AFTPH: variants seen among roughly 807,000 people sequenced by gnomAD.
AFTPH encodes the protein aftiphilin, also known as aftiphilin protein.
AFTPH carries 7 observed loss-of-function variants against 72.5 expected under a neutral mutation model. The observed-to-expected ratio is 0.10, with a 90% CI of 0.05 to 0.18. AFTPH has a LOEUF of 0.18. Among genes scored for constraint, AFTPH ranks in the 10% least tolerant of loss-of-function variants. AFTPH has a pLI of 1.00. For synonymous variants in AFTPH, 337 were observed against 370.1 expected, an observed-to-expected ratio of 0.91 and a Z score of 1.03; for missense variants, 979 against 1,060.5, an observed-to-expected ratio of 0.92 and a Z score of 1.07.
intron 7 of AFTPH, 50 bp from the exon 9 acceptor site, chr2:64,585,372 G>T: frequency 6.2e-7 from 1 of 1,608,668 alleles, no homozygotes. Flanking sequence ...GTGGCTAACT[G>T]GGTAACCCAT....
At chr2:64,544,342 G>C (rs906535388) in intron 1 of AFTPH, among the ~76,000 whole-genome samples, 2 of 152,072 alleles carry the variant, frequency 1.3e-5, no homozygotes, top group Admixed American at 6.6e-5. Context: ...CAAGACAATA[G>C]CGGCATTATT....
At chr2:64,579,411 T>A in intron 6 of AFTPH, 75 bp from the exon 7 acceptor site, 1 of 866,242 alleles carries the variant, frequency 1.2e-6, no homozygotes. Flanking sequence ...CTTGCTATAA[T>A]TTTTTTTTTT....
At chr2:64,592,290 G>A (rs1008805753) in exon 9 of AFTPH, 4 of 285,534 alleles carry the variant, frequency 1.4e-5, no homozygotes, top group Non-Finnish European at 2.6e-5. Context: ...TGTTGCTGGG[G>A]TGTATACATT....
chr2:64,536,394 G>A (rs1197239418), intron 1 of AFTPH, among the ~76,000 whole-genome samples: 2 of 150,940 alleles, frequency 1.3e-5, no homozygotes, highest in East Asian at 2.0e-4. Flanking sequence ...TGGTGAAACC[G>A]CATCTCTAAT....
intron 6 of AFTPH, among the ~76,000 whole-genome samples, chr2:64,576,035 G>A (rs949975805): frequency 2.7e-5 from 4 of 147,774 alleles, no homozygotes; most frequent in African/African-American, 7.5e-5. Flanking sequence ...CATCGCACCC[G>A]GCCTAGAAAA....
intron 1 of AFTPH, 117 bp downstream of exon 1, chr2:64,524,729 G>T (rs1337114128): frequency 5.4e-6 from 2 of 373,828 alleles, no homozygotes; most frequent in African/African-American, 2.1e-5. Flanking sequence ...CCGCGGAGCC[G>T]GGAGCTGTGA....
At chr2:64,564,031 GAGTAACTATAGC>G (rs1320506725) in intron 2 of AFTPH, among the ~76,000 whole-genome samples, 20 of 152,126 alleles carry the variant, frequency 1.3e-4, no homozygotes, top group Non-Finnish European at 2.5e-4. Flanking sequence ...ACTCTACAAG[GAGTAACTATAGC>G]AGGTTTCATT....
intron 5 of AFTPH, among the ~76,000 whole-genome samples, chr2:64,571,375 C>A (rs1293646066): frequency 9.2e-5 from 14 of 151,842 alleles, no homozygotes; most frequent in Admixed American, 8.5e-4. Context: ...AATTTGAGAA[C>A]CACTGCTTAA....
At chr2:64,543,709 T>G (rs952722053) in intron 1 of AFTPH, among the ~76,000 whole-genome samples, 6 of 152,344 alleles carry the variant, frequency 3.9e-5, no homozygotes, top group South Asian at 2.1e-4. Context: ...TCAGGTAGTT[T>G]AAGTCCTCCA....
intron 1 of AFTPH, among the ~76,000 whole-genome samples, chr2:64,525,070 C>T (rs1669172497): frequency 6.6e-6 from 1 of 152,226 alleles, no homozygotes; most frequent in Non-Finnish European, 1.5e-5. Context: ...TGGCCGCGAC[C>T]TGAGTGTGCT....
intron 6 of AFTPH, chr2:64,578,989 C>T (rs939198361): frequency 6.6e-6 from 1 of 152,566 alleles, no homozygotes; most frequent in African/African-American, 2.4e-5. Context: ...ATTCTGGTAT[C>T]TAATAAGTAA....
exon 2 of AFTPH, chr2:64,551,961 C>A: frequency 6.2e-7 from 1 of 1,613,512 alleles, no homozygotes; most frequent in South Asian, 1.1e-5. Flanking sequence ...GAATGTTGTT[C>A]ATCAAAACAA....
chr2:64,561,669 A>C (rs1034945119), intron 2 of AFTPH, among the ~76,000 whole-genome samples: 2 of 152,154 alleles, frequency 1.3e-5, no homozygotes, highest in African/African-American at 4.8e-5. Context: ...AGCGAGTGAG[A>C]CCATCTCTTA....
At chr2:64,552,477 T>G (rs773692239) in exon 2 of AFTPH, 10 of 1,613,920 alleles carry the variant, frequency 6.2e-6, no homozygotes, top group South Asian at 2.2e-5. Flanking sequence ...GTCAAAGGCT[T>G]GGAGTTTGGT....
At chr2:64,575,390 C>T (rs1392174192) in intron 6 of AFTPH, among the ~76,000 whole-genome samples, 1 of 152,066 alleles carries the variant, frequency 6.6e-6, no homozygotes, top group East Asian at 1.9e-4. Flanking sequence ...CTTTGGGATG[C>T]CAAGGCAGGT....
Position 64,534,515 on chromosome 2 carries a change from C to G in AFTPH, c.-33+9903C>G, listed in dbSNP as rs556522719. On this transcript the variant is annotated intron_variant, in intron 1 of 8. Transcript: ENST00000238856. ...CCACTTCCTCTTCTTTTCCATATTT[C>G]AGATTCTGTGCCAGCGGATGATAGT... Among the ~76,000 whole-genome samples, 337 of 152,232 alleles carry G rather than the reference C, an allele frequency of 2.2e-3. 2 individuals carry two copies. The highest frequency in any genetic ancestry group is 3.8e-3 in the Non-Finnish European group (256 of 67,984).
intron 1 of AFTPH, among the ~76,000 whole-genome samples, chr2:64,537,330 T>G (rs1669951389): frequency 6.6e-6 from 1 of 152,124 alleles, no homozygotes. Flanking sequence ...GTACTATGCT[T>G]ATTACCTGGG....
At chr2:64,538,212 C>G (rs979641992) in intron 1 of AFTPH, among the ~76,000 whole-genome samples, 5 of 151,982 alleles carry the variant, frequency 3.3e-5, no homozygotes, top group Admixed American at 6.5e-5. Flanking sequence ...TATGACGGGC[C>G]AATTCTCAAG....
At chr2:64,561,135 T>C (rs1671714445) in intron 2 of AFTPH, among the ~76,000 whole-genome samples, 1 of 152,116 alleles carries the variant, frequency 6.6e-6, no homozygotes, top group African/African-American at 2.4e-5. Context: ...AAAAGGAGGG[T>C]ATGGTACCTG....
Sources: gnomAD v4.1 joint callset for allele counts (sites outside exome capture counted in the v4.1 genomes callset) on GRCh38, gnomAD v4.1.1 for gene constraint, MANE v1.5 for transcripts, NCBI Gene and HGNC (gene_info 2026-07-23, HGNC 2026-07-21) for gene names.